The following MYO1F variants were observed in gnomAD, a reference collection of about 807,000 sequenced individuals.
MYO1F encodes the protein unconventional myosin-If.
In MYO1F, 60 loss-of-function variants were observed where a neutral mutation model predicts 146.6. That is an observed-to-expected ratio of 0.41 (90% CI 0.33 to 0.51). The LOEUF is 0.51. Ranked by LOEUF, MYO1F falls within the 20% of genes least tolerant of loss-of-function variation. The pLI, the probability that MYO1F is intolerant of heterozygous loss-of-function variation, is 0.25. For synonymous variants in MYO1F, 602 were observed against 602.1 expected, an observed-to-expected ratio of 1.00 and a Z score of 0.00; for missense variants, 1,274 against 1,534.3, an observed-to-expected ratio of 0.83 and a Z score of 2.83.
chr19:8,545,941 G>A (rs1275801074), intron 12 of MYO1F, among the ~76,000 whole-genome samples: 2 of 152,052 alleles, frequency 1.3e-5, no homozygotes, highest in African/African-American at 4.8e-5. Context: ...AGGAGTGGGT[G>A]GATAAATACC....
intron 17 of MYO1F, 130 bp downstream of exon 17, chr19:8,536,819 G>A: frequency 1.5e-6 from 1 of 680,782 alleles, no homozygotes; most frequent in African/African-American, 1.8e-5. Flanking sequence ...TCTGCAGGTG[G>A]GGGATTGTGG....
intron 1 of MYO1F, among the ~76,000 whole-genome samples, chr19:8,559,437 C>G (rs568073112): frequency 6.6e-6 from 1 of 152,008 alleles, no homozygotes; most frequent in Non-Finnish European, 1.5e-5. Context: ...TAAGCCCAGC[C>G]TTTGGCATAA....
At chr19:8,541,704 C>G (rs1461307869) in intron 15 of MYO1F, 8 of 606,862 alleles carry the variant, frequency 1.3e-5, no homozygotes, top group African/African-American at 1.8e-5. Context: ...GCTGGGATTA[C>G]AGGCGTGAGC....
chr19:8,526,958 G>A (rs941263717), intron 22 of MYO1F, 23 bp from the exon 23 acceptor site: 2 of 1,612,816 alleles, frequency 1.2e-6, no homozygotes, highest in Non-Finnish European at 1.7e-6. Context: ...GGGTGAGAGC[G>A]TCAGGTGGGA....
intron 14 of MYO1F, among the ~76,000 whole-genome samples, chr19:8,542,357 CG>C (rs1368268827): frequency 2.3e-4 from 11 of 47,430 alleles, no homozygotes; most frequent in East Asian, 1.8e-3. Context: ...TGCAGCCTGG[CG>C]GGGGGGTCCC....
intron 1 of MYO1F, among the ~76,000 whole-genome samples, chr19:8,565,841 C>T (rs2041992702): frequency 6.6e-6 from 1 of 151,858 alleles, no homozygotes; most frequent in Non-Finnish European, 1.5e-5. Context: ...GTCATCCCAG[C>T]ACTTTGGGAG....
At chr19:8,532,167 G>T (rs1457296879) in intron 19 of MYO1F, among the ~76,000 whole-genome samples, 1 of 151,368 alleles carries the variant, frequency 6.6e-6, no homozygotes, top group African/African-American at 2.4e-5. Flanking sequence ...AAAAAAAAAA[G>T]AAAGAAAAAG....
intron 17 of MYO1F, 102 bp downstream of exon 17, chr19:8,536,847 C>T: frequency 1.2e-6 from 1 of 833,268 alleles, no homozygotes; most frequent in South Asian, 1.5e-5. Context: ...TGTGCTAGTC[C>T]CTGGGTCATC....
At chr19:8,523,002 CT>C (rs1489744532) in intron 25 of MYO1F, among the ~76,000 whole-genome samples, 173 bp from the exon 26 acceptor site, 2 of 150,976 alleles carry the variant, frequency 1.3e-5, no homozygotes, top group African/African-American at 4.9e-5. Context: ...TAGACAGAAG[CT>C]TTTTTAAGCA....
chr19:8,541,421 G>GTTTTT (rs1336052012), intron 15 of MYO1F, among the ~76,000 whole-genome samples: 2 of 130,280 alleles, frequency 1.5e-5, no homozygotes, highest in African/African-American at 5.9e-5. Flanking sequence ...GTGTGTGTGT[G>GTTTTT]TGTGTTTTTT....
intron 1 of MYO1F, among the ~76,000 whole-genome samples, chr19:8,566,440 T>C (rs1229319272): frequency 4.6e-5 from 7 of 151,638 alleles, no homozygotes; most frequent in Non-Finnish European, 8.8e-5. Flanking sequence ...GTGCTGGGAT[T>C]ACAGGCGTGA....
At chr19:8,553,894 A>ACACACACACACACTCT in intron 4 of MYO1F, among the ~76,000 whole-genome samples, 13 of 102,606 alleles carry the variant, frequency 1.3e-4, no homozygotes, top group Admixed American at 3.2e-4. Context: ...ACACACACAC[A>ACACACACACACACTCT]CTCTCTCTCT....
At chr19:8,542,637 A>G (rs1165773810) in intron 14 of MYO1F, among the ~76,000 whole-genome samples, 1 of 147,008 alleles carries the variant, frequency 6.8e-6, no homozygotes, top group Non-Finnish European at 1.5e-5. Context: ...GTCTTGCTCT[A>G]TCACCCAGGC....
At chr19:8,547,038 C>G (rs1375848535) in intron 12 of MYO1F, among the ~76,000 whole-genome samples, 1 of 152,112 alleles carries the variant, frequency 6.6e-6, no homozygotes, top group Non-Finnish European at 1.5e-5. Flanking sequence ...TAACTCATGC[C>G]TGTAGTCCCA....
intron 21 of MYO1F, among the ~76,000 whole-genome samples, chr19:8,527,928 A>G (rs1182532528): frequency 6.6e-6 from 1 of 152,210 alleles, no homozygotes; most frequent in Non-Finnish European, 1.5e-5. Context: ...TTGTTATATA[A>G]GAAACAGAAG....
rs1246432366 is a variant in MYO1F, at chr19:8,522,515, G to A, written c.3082C>T (p.Pro1028Ser). 12 of 1,613,360 alleles carry A rather than the reference G, an allele frequency of 7.4e-6. No homozygotes were observed. Among genetic ancestry groups the A allele is most frequent in the African/African-American group, 1.3e-5 (1 of 75,046 alleles). Residue 1028 changes from proline to serine, a missense_variant, in exon 27 of 28, where the codon CCA becomes TCA. Physicochemically the swap from Pro to Ser is moderately conservative, Grantham distance 74. This residue lies in a region of MYO1F where 374 missense variants were observed against 379.2 expected (regional missense o/e 0.99). Transcript: ENST00000644032. ...TTGGGTCGGCCCACACCAGGCACTGGCCGTTGCCCCACGCTGCGCTTCCTC... is the reference window on the plus strand; with the variant it reads ...TTGGGTCGGCCCACACCAGGCACTGACCGTTGCCCCACGCTGCGCTTCCTC... ...MQRKRSVGQRPVPGVGRPKPQ... is the reference protein window; with the variant it reads ...MQRKRSVGQRSVPGVGRPKPQ...
rs1455440010 is a variant in MYO1F at position 8,553,170 on chromosome 19, T to C, written c.473A>G (p.Lys158Arg). Residue 158 changes from lysine to arginine, a missense_variant, in exon 6 of 28, where the codon AAG becomes AGG. Physicochemically the swap from Lys to Arg is conservative, Grantham distance 26. Around this residue, in one of 2 missense-constraint regions of MYO1F, gnomAD observed 900 missense variants for 1,155.1 expected, o/e 0.78. Transcript: ENST00000644032. ...GCTGGAATTGTTGTTGCGCACAGTCTTGGCGTTGCCGAAGGCCTCGAGCAG... is the reference window on the plus strand; with the variant it reads ...GCTGGAATTGTTGTTGCGCACAGTCCTGGCGTTGCCGAAGGCCTCGAGCAG... ...NPLLEAFGNA[K>R]TVRNNNSSRF... 1 of 1,614,204 alleles carries C rather than the reference T, an allele frequency of 6.2e-7. No homozygotes were observed. The highest frequency in any genetic ancestry group is 8.5e-7 in the Non-Finnish European group (1 of 1,180,044).
At chr19:8,542,048 G>A in intron 14 of MYO1F, 57 bp from the exon 15 acceptor site, 1 of 1,405,460 alleles carries the variant, frequency 7.1e-7, no homozygotes. Flanking sequence ...TGGGAGGGTG[G>A]GCGTGGGGTG....
Position 8,521,331 on chromosome 19 carries a change from A to G in MYO1F, c.*197T>C. 1.6e-6 allele frequency: 1 copy of G among 632,468 alleles called. No homozygotes were observed. Among genetic ancestry groups the G allele is most frequent in the South Asian group, 1.7e-5 (1 of 57,432 alleles). The allele number at this position is 632,468 out of a possible 1,614,324, so 39.2% of individuals were successfully genotyped here. On this transcript the variant is annotated 3_prime_UTR_variant, in exon 28 of 28. Coordinates refer to ENST00000644032, the MANE Select transcript of MYO1F (RefSeq NM_012335.4). ...TGGGCAGCAGGTGTGATGTTGGAGG[A>G]AGACCAGGGCCCAGGGGCGGGGGCT...
Sources: allele counts gnomAD v4.1 joint callset (sites outside exome capture counted in the v4.1 genomes callset), GRCh38; gene constraint gnomAD v4.1.1; regional missense constraint gnomAD v4.1.1; transcripts MANE v1.5; gene names NCBI Gene and HGNC (gene_info 2026-07-23, HGNC 2026-07-21).